Variants in DENND2B observed in about 807,000 individuals in gnomAD.
The protein encoded by DENND2B is DENN domain containing 2B.
DENND2B carries 32 observed loss-of-function variants against 116.0 expected under a neutral mutation model. The ratio of observed to expected loss-of-function variants is 0.28; its 90% CI spans 0.21 to 0.37. The LOEUF (loss-of-function observed/expected upper bound fraction) is 0.37. Among genes scored for constraint, DENND2B ranks in the 10% least tolerant of loss-of-function variants. DENND2B has a pLI of 1.00. For synonymous variants in DENND2B, 588 were observed against 583.9 expected, an observed-to-expected ratio of 1.01 and a Z score of -0.10; for missense variants, 1,276 against 1,477.7, an observed-to-expected ratio of 0.86 and a Z score of 2.24.
At chr11:8,794,832 G>C (rs567071621) in intron 1 of DENND2B, 1 of 152,398 alleles carries the variant, frequency 6.6e-6, no homozygotes, top group South Asian at 2.1e-4. Flanking sequence ...GCCTGGGGAA[G>C]TGAAAGTCAA....
chr11:8,899,154 T>C (rs1431336420), intron 1 of DENND2B, among the ~76,000 whole-genome samples: 1 of 151,868 alleles, frequency 6.6e-6, no homozygotes, highest in Non-Finnish European at 1.5e-5. Flanking sequence ...ATAGAGATTA[T>C]ACAATTTGAA....
intron 13 of DENND2B, among the ~76,000 whole-genome samples, chr11:8,706,354 G>A (rs763331260): frequency 2.7e-4 from 41 of 152,174 alleles, no homozygotes; most frequent in African/African-American, 8.0e-4. Context: ...CAGGGACATC[G>A]TGATTGGGTT....
chr11:8,759,560 A>G (rs1389500950), intron 1 of DENND2B, among the ~76,000 whole-genome samples: 3 of 152,168 alleles, frequency 2.0e-5, no homozygotes, highest in African/African-American at 7.2e-5. Context: ...TGGAAGTCAA[A>G]GTTTAGGCAG....
chr11:8,890,339 C>G (rs183016771), intron 1 of DENND2B, among the ~76,000 whole-genome samples: 1 of 152,198 alleles, frequency 6.6e-6, no homozygotes, highest in Non-Finnish European at 1.5e-5. Context: ...GAGCACATCT[C>G]CCCCTCCAAA....
chr11:8,722,137 G>GC lies in DENND2B; in HGVS notation c.1477+3935dup, dbSNP rs1405900924. 3.3e-5 allele frequency among the ~76,000 whole-genome samples: 5 copies of GC among 152,346 alleles called. No homozygotes were observed. In the East Asian group the frequency reaches 9.6e-4, roughly 29 times the overall value. ...AACTTTCTTTCCGAACTCCTTTTCTGCAAGTTAGCAAGGTAAACCTCAGTA... is the reference window on the plus strand; with the variant it reads ...AACTTTCTTTCCGAACTCCTTTTCTGCCAAGTTAGCAAGGTAAACCTCAGTA... On this transcript the variant is annotated intron_variant, in intron 4 of 19. Transcript: ENST00000313726.
chr11:8,792,692 C>T (rs1425277061), intron 1 of DENND2B, among the ~76,000 whole-genome samples: 1 of 152,200 alleles, frequency 6.6e-6, no homozygotes, highest in Non-Finnish European at 1.5e-5. Flanking sequence ...TCATTAATAA[C>T]TGAAGACATC....
chr11:8,832,478 A>G (rs1392726904), intron 4 of DENND2B: 2 of 150,954 alleles, frequency 1.3e-5, no homozygotes, highest in African/African-American at 2.4e-5. Flanking sequence ...AAAAGAACCA[A>G]CACCTCATCA....
upstream of DENND2B, chr11:8,811,367 G>T: frequency 2.5e-6 from 1 of 398,530 alleles, no homozygotes; most frequent in Non-Finnish European, 4.4e-6. Flanking sequence ...ACTCGGTCAG[G>T]ACCAGGAAGA....
intron 1 of DENND2B, among the ~76,000 whole-genome samples, chr11:8,779,417 C>T (rs1278270161): frequency 6.6e-6 from 1 of 152,122 alleles, no homozygotes; most frequent in African/African-American, 2.4e-5. Flanking sequence ...AGAACCCTCC[C>T]CTCTGGGTTA....
chr11:8,855,969 C>G lies in DENND2B; in HGVS notation c.-156+1374G>C, dbSNP rs77300119. 1.2e-3 allele frequency among the ~76,000 whole-genome samples: 188 copies of G among 152,296 alleles called. 1 individual carries two copies. Among genetic ancestry groups the G allele is most frequent in the African/African-American group, 4.3e-3 (178 of 41,574 alleles). ...CAGCTAGAGAATTGGAGAACTCTCT[C>G]CAATTCTTGTTCATCTTCAAAACTG... On this transcript the variant is annotated intron_variant, in intron 3 of 6. Transcript: ENST00000524757.
intron 1 of DENND2B, chr11:8,776,800 A>C: frequency 6.4e-6 from 1 of 156,158 alleles, no homozygotes; most frequent in Admixed American, 6.1e-5. Flanking sequence ...ATGGTCAACT[A>C]CCTCTCCTTA....
chr11:8,845,263 G>C (rs1355878104), intron 3 of DENND2B: 8 of 152,130 alleles, frequency 5.3e-5, no homozygotes, highest in Admixed American at 5.2e-4. Flanking sequence ...AGAAGTGACA[G>C]TCTACAGCCA....
At chr11:8,841,433 G>T (rs1403511602) in intron 3 of DENND2B, among the ~76,000 whole-genome samples, 9 of 152,118 alleles carry the variant, frequency 5.9e-5, no homozygotes, top group Non-Finnish European at 1.3e-4. Context: ...GAGCTCAGGA[G>T]TTCGAGACCA....
intron 4 of DENND2B, among the ~76,000 whole-genome samples, chr11:8,826,034 G>A (rs2061966358): frequency 6.6e-6 from 1 of 152,124 alleles, no homozygotes; most frequent in South Asian, 2.1e-4. Context: ...AAGTCTTTTG[G>A]AGCCCCTTAA....
In DENND2B at chr11:8,759,328, G is replaced by A. The variant is rs1008861834; in HGVS notation, c.-25-8603C>T. 2.6e-5 allele frequency among the ~76,000 whole-genome samples: 4 copies of A among 152,222 alleles called. No individual in the cohort carries two copies. The East Asian group carries it at 5.8e-4, about 22-fold the overall frequency. On this transcript the variant is annotated intron_variant, in intron 1 of 19. Transcript: ENST00000313726. Reference sequence around the variant, plus strand: ...CTTGCTCTTGAAGCAGGAGACAGCTGAGCCCTGAGTGAAGAGGAAGAAATG... The same window carrying A: ...CTTGCTCTTGAAGCAGGAGACAGCTAAGCCCTGAGTGAAGAGGAAGAAATG...
At chr11:8,728,930 C>T (rs1358225225) in intron 3 of DENND2B, among the ~76,000 whole-genome samples, 4 of 152,076 alleles carry the variant, frequency 2.6e-5, no homozygotes, top group Admixed American at 6.5e-5. Context: ...CTTGGCAGGC[C>T]GTTTAAGAAT....
intron 1 of DENND2B, chr11:8,756,921 T>C (rs555920758): frequency 7.3e-6 from 3 of 409,092 alleles, no homozygotes; most frequent in East Asian, 1.5e-4. Context: ...ACTGCATGTT[T>C]AGAAAAGGAA....
At chr11:8,838,191 T>A (rs1472343358) in intron 4 of DENND2B, among the ~76,000 whole-genome samples, 1 of 152,266 alleles carries the variant, frequency 6.6e-6, no homozygotes, top group Non-Finnish European at 1.5e-5. Flanking sequence ...CTAATGGTTC[T>A]CTGCCTCTTG....
chr11:8,820,453 T>C (rs182471090), intron 4 of DENND2B, among the ~76,000 whole-genome samples: 10 of 152,304 alleles, frequency 6.6e-5, no homozygotes, highest in African/African-American at 2.4e-4. Flanking sequence ...GCAGAATAAA[T>C]GTCTGTTTCC....
Sources: allele counts gnomAD v4.1 joint callset (sites outside exome capture counted in the v4.1 genomes callset), GRCh38; gene constraint gnomAD v4.1.1; transcripts MANE v1.5; gene names NCBI Gene and HGNC (gene_info 2026-07-23, HGNC 2026-07-21).